Variants in SLC22A4 observed in about 807,000 individuals in gnomAD.
SLC22A4 encodes the protein solute carrier family 22 member 4, also known as ET transporter.
SLC22A4 carries 39 observed loss-of-function variants against 56.6 expected under a neutral mutation model. That is an observed-to-expected ratio of 0.69 (90% CI 0.53 to 0.90). SLC22A4 has a LOEUF of 0.90. Ranked by LOEUF, SLC22A4 falls within the 40% of genes least tolerant of loss-of-function variation. SLC22A4 has a pLI of 0.00. For missense variants in SLC22A4, 594 were observed against 696.5 expected (o/e 0.85, Z 1.66); for synonymous variants, 241 against 281.4 (o/e 0.86, Z 1.44).
In SLC22A4 at chr5:132,305,842, T is replaced by A. The variant is rs1750015061; in HGVS notation, c.394-6319T>A. 2.0e-5 allele frequency among the ~76,000 whole-genome samples: 3 copies of A among 152,226 alleles called. No individual in the cohort carries two copies. In the South Asian group the frequency reaches 6.2e-4, roughly 32 times the overall value. On this transcript the variant is annotated intron_variant, in intron 1 of 9. Transcript: ENST00000200652. Reference sequence around the variant, plus strand: ...CCAAAAATTTGCAAAATGTATACTTTAAAAACTATAAAATGTCATTGAAAG... The same window carrying A: ...CCAAAAATTTGCAAAATGTATACTTAAAAAACTATAAAATGTCATTGAAAG...
At chr5:132,339,760 C>T (rs1286007802) in intron 8 of SLC22A4, among the ~76,000 whole-genome samples, 1 of 152,180 alleles carries the variant, frequency 6.6e-6, no homozygotes, top group East Asian at 1.9e-4. Context: ...CACACAGCTA[C>T]TCCTGTTAGT....
chr5:132,327,782 A>G (rs1750725537), intron 5 of SLC22A4, among the ~76,000 whole-genome samples: 1 of 152,186 alleles, frequency 6.6e-6, no homozygotes, highest in Admixed American at 6.5e-5. Flanking sequence ...TGGGTTCTCC[A>G]CTGTACCCTG....
intron 8 of SLC22A4, among the ~76,000 whole-genome samples, chr5:132,336,249 C>T (rs1426696442): frequency 2.0e-5 from 3 of 152,084 alleles, no homozygotes; most frequent in Non-Finnish European, 4.4e-5. Flanking sequence ...GCAACTCAGG[C>T]GTGGTGGCTC....
rs764601594 is a variant in SLC22A4, at chr5:132,295,006, C to T, written c.390C>T (p.Thr130=). 4 of 1,604,980 alleles carry T rather than the reference C, an allele frequency of 2.5e-6. No individual in the cohort carries two copies. Among genetic ancestry groups the T allele is most frequent in the Non-Finnish European group, 2.5e-6 (3 of 1,176,476 alleles). The change falls in exon 1 of 10, where the codon ACC becomes ACT. Residue 130 remains threonine, a synonymous_variant. Transcript: ENST00000200652. ...ACGTCTACCTGTCCACCGTCGTGAC[C>T]GAGGTGGGTGCCAGGCCGAGACCGT... ...SQDVYLSTVV[T]EWNLVCEDNW...
At chr5:132,327,519 C>A in intron 5 of SLC22A4, 116 bp downstream of exon 5, 1 of 798,756 alleles carries the variant, frequency 1.3e-6, no homozygotes, top group East Asian at 2.5e-5. Context: ...TGCACTAGGC[C>A]TTAGGAACAC....
chr5:132,343,431 G>A (rs1256560237), intron 9 of SLC22A4, among the ~76,000 whole-genome samples: 2 of 152,202 alleles, frequency 1.3e-5, no homozygotes, highest in African/African-American at 4.8e-5. Context: ...AGCAAAAAGT[G>A]CCCATTGTTG....
intron 8 of SLC22A4, among the ~76,000 whole-genome samples, chr5:132,339,583 A>G (rs1031249176): frequency 6.6e-6 from 1 of 152,164 alleles, no homozygotes; most frequent in Non-Finnish European, 1.5e-5. Context: ...TAACAAACAT[A>G]TTCTGCACAG....
intron 3 of SLC22A4, among the ~76,000 whole-genome samples, chr5:132,319,238 GTTACAGTAAGCTGAGATTGCA>G (rs1343607798): frequency 6.7e-6 from 1 of 149,980 alleles, no homozygotes; most frequent in East Asian, 2.0e-4. Context: ...GGAGGAAGAG[GTTACAGTAAGCTGAGATTGCA>G]CCACTGCACT....
chr5:132,336,554 A>C (rs923023022), intron 8 of SLC22A4, among the ~76,000 whole-genome samples: 4 of 152,170 alleles, frequency 2.6e-5, no homozygotes, highest in Admixed American at 2.0e-4. Flanking sequence ...AAAAAATAAA[A>C]AGAATAAACA....
intron 1 of SLC22A4, among the ~76,000 whole-genome samples, chr5:132,296,347 T>C (rs1467406368): frequency 1.3e-5 from 2 of 152,242 alleles, no homozygotes; most frequent in South Asian, 4.1e-4. Context: ...CTTCTATGTA[T>C]ACTGAGGAGC....
intron 6 of SLC22A4, among the ~76,000 whole-genome samples, chr5:132,334,453 T>C (rs1013956096): frequency 6.6e-6 from 1 of 152,250 alleles, no homozygotes; most frequent in Non-Finnish European, 1.5e-5. Flanking sequence ...AATAGAACTT[T>C]CTGCAGTGAC....
intron 3 of SLC22A4, among the ~76,000 whole-genome samples, chr5:132,318,249 A>C (rs1358504765): frequency 1.3e-5 from 2 of 152,218 alleles, no homozygotes; most frequent in Non-Finnish European, 2.9e-5. Context: ...GACATGTAGC[A>C]CATTTCAACT....
chr5:132,335,318 G>A (rs961326749), intron 7 of SLC22A4, among the ~76,000 whole-genome samples: 2 of 152,120 alleles, frequency 1.3e-5, no homozygotes, highest in African/African-American at 4.8e-5. Flanking sequence ...TACATTCAGT[G>A]GTTTTCTGGT....
intron 3 of SLC22A4, among the ~76,000 whole-genome samples, chr5:132,315,936 C>T (rs756848470): frequency 5.3e-5 from 8 of 152,198 alleles, no homozygotes; most frequent in Non-Finnish European, 8.8e-5. Context: ...CTGGACGCCC[C>T]AGTCAGCACC....
At chr5:132,317,887 T>G (rs1449982545) in intron 3 of SLC22A4, among the ~76,000 whole-genome samples, 1 of 152,232 alleles carries the variant, frequency 6.6e-6, no homozygotes, top group African/African-American at 2.4e-5. Flanking sequence ...GTAAACATGA[T>G]GCAGAAATTT....
intron 1 of SLC22A4, among the ~76,000 whole-genome samples, chr5:132,301,502 G>T (rs1197457318): frequency 6.6e-6 from 1 of 152,200 alleles, no homozygotes; most frequent in Non-Finnish European, 1.5e-5. Context: ...CAAAGGGCCT[G>T]GACCTCTGGT....
intron 3 of SLC22A4, among the ~76,000 whole-genome samples, chr5:132,321,769 G>T (rs563623757): frequency 6.6e-6 from 1 of 152,080 alleles, no homozygotes; most frequent in Non-Finnish European, 1.5e-5. Context: ...TTAGCCAGGC[G>T]TGGTGGTGCA....
chr5:132,330,813 T>C (rs1199110779), intron 5 of SLC22A4, among the ~76,000 whole-genome samples: 2 of 152,192 alleles, frequency 1.3e-5, no homozygotes, highest in Non-Finnish European at 2.9e-5. Flanking sequence ...TGACCGCTGA[T>C]GGCTAGCCTC....
chr5:132,318,228 A>G (rs2126717771), intron 3 of SLC22A4, among the ~76,000 whole-genome samples: 1 of 152,334 alleles, frequency 6.6e-6, no homozygotes, highest in South Asian at 2.1e-4. Flanking sequence ...TGTACTTTCC[A>G]TCACTCCCCT....
Sources: gnomAD v4.1 joint callset for allele counts (sites outside exome capture counted in the v4.1 genomes callset) on GRCh38, gnomAD v4.1.1 for gene constraint, MANE v1.5 for transcripts, NCBI Gene and HGNC (gene_info 2026-07-23, HGNC 2026-07-21) for gene names.